The following RFNG variants were observed in gnomAD, a reference collection of about 807,000 sequenced individuals.
RFNG encodes RFNG O-fucosylpeptide 3-beta-N-acetylglucosaminyltransferase.
RFNG carries 37 observed loss-of-function variants against 29.6 expected under a neutral mutation model. That is an observed-to-expected ratio of 1.25 (90% confidence interval 0.96 to 1.65). The LOEUF (loss-of-function observed/expected upper bound fraction) is 1.65. Among genes scored for constraint, RFNG ranks in the 40% most tolerant of loss-of-function variants. The pLI is 0.00. For missense variants in RFNG, 546 were observed against 457.0 expected (o/e 1.19, Z -1.78); for synonymous variants, 276 against 197.3 (o/e 1.40, Z -3.34).
In RFNG at chr17:82,048,935, G is replaced by GTA. The variant is rs1445621657; in HGVS notation, c.914+95_914+96insTA. ...GGAGAAGCCGGGGTCAGGGCCGTGG[G>GTA]CGGAGGGAGCAGCGGGGGTCAGGGC... On this transcript the variant is annotated intron_variant, in intron 7 of 7. Coordinates refer to ENST00000310496, the MANE Select transcript of RFNG (RefSeq NM_002917.2). 2.9e-5 allele frequency: 42 copies of GTA among 1,459,042 alleles called. 1 individual carries two copies. The highest frequency in any genetic ancestry group is 3.4e-5 in the Admixed American group (2 of 58,646). The allele number at this position is 1,459,042 out of a possible 1,614,324, so 90.4% of individuals were successfully genotyped here.
In RFNG at chr17:82,051,508, G is replaced by T; in HGVS notation, c.259C>A (p.Arg87Ser). The change falls in exon 1 of 8, where the codon CGC (arginine) becomes AGC (serine). Residue 87 changes from arginine to serine, a missense_variant. By Grantham distance (110) the Arg-to-Ser change is moderately radical. Coordinates refer to ENST00000310496, the MANE Select transcript of RFNG (RefSeq NM_002917.2). The surrounding 1 kb of genome is among the most constrained non-coding windows in gnomAD (Gnocchi z 4.1). Reference sequence around the variant, plus strand: ...GTCGGGGTCCGGCGCACCTGCTGGCGGGCCCGGGAGATCCAGGTGCGCAGC... The same window carrying T: ...GTCGGGGTCCGGCGCACCTGCTGGCTGGCCCGGGAGATCCAGGTGCGCAGC... ...LLLRTWISRA[R>S]QQTFIFTDGD... 7.2e-7 allele frequency: 1 copy of T among 1,387,110 alleles called. No homozygotes were observed. Among genetic ancestry groups the T allele is most frequent in the South Asian group, 1.6e-5 (1 of 62,012 alleles). The allele number at this position is 1,387,110 out of a possible 1,614,324, so 85.9% of individuals were successfully genotyped here.
intron 3 of RFNG, 41 bp from the exon 4 acceptor site, chr17:82,050,596 GC>G: frequency 6.2e-7 from 1 of 1,608,386 alleles, no homozygotes; most frequent in Non-Finnish European, 8.5e-7. Context: ...GCCTGGCATG[GC>G]TGGACAGGAG....
At chr17:82,048,929 C>T (rs1204476804) in intron 7 of RFNG, 102 bp downstream of exon 7, 1 of 1,447,946 alleles carries the variant, frequency 6.9e-7, no homozygotes, top group Non-Finnish European at 9.6e-7. Context: ...GGGGTCAGGG[C>T]CGTGGGCGGA....
intron 7 of RFNG, 68 bp from the exon 8 acceptor site, chr17:82,048,875 G>T (rs1045925774): frequency 2.0e-6 from 3 of 1,494,734 alleles, no homozygotes; most frequent in Non-Finnish European, 2.8e-6. Context: ...GGCCGTGGGC[G>T]GCGGGAGAAC....
In RFNG at chr17:82,050,556, C is replaced by T. The variant is rs779087501; in HGVS notation, c.420-1G>A. ...GTCATCATCCACGTGGCAAAACCAC[C>T]TGTGGGCGAGGGGAGTCCTGGGCAC... On this transcript the variant is annotated splice_acceptor_variant, in intron 3 of 7. Transcript: ENST00000310496. LOFTEE classifies it high-confidence loss of function. 11 of 1,610,558 alleles carry T rather than the reference C, an allele frequency of 6.8e-6. No individual in the cohort carries two copies. Among genetic ancestry groups the T allele is most frequent in the African/African-American group, 1.3e-5 (1 of 74,906 alleles).
chr17:82,048,876 G>A (rs1403412635), intron 7 of RFNG, 69 bp from the exon 8 acceptor site: 32 of 1,497,890 alleles, frequency 2.1e-5, no homozygotes, highest in Non-Finnish European at 2.8e-5. Flanking sequence ...GCCGTGGGCG[G>A]CGGGAGAACC....
intron 6 of RFNG, chr17:82,049,365 C>A (rs957285064): frequency 1.4e-6 from 1 of 698,810 alleles, no homozygotes; most frequent in Non-Finnish European, 2.6e-6. Flanking sequence ...TCCCTCCCTG[C>A]TCCACGTGAT....
Position 82,049,992 on chromosome 17 carries a change from C to G in RFNG, c.588G>C (p.Lys196Asn), listed in dbSNP as rs147282261. ...CGGCCCCACCAGTAGCAAACCAGAA[C>G]TTGACCGTGGTCACCTGAAGATGGG... Reference protein sequence around the residue: ...VQGGRTVTTVKFWFATGGAGF... With the variant: ...VQGGRTVTTVNFWFATGGAGF... Residue 196 changes from lysine (K) to asparagine (N), a missense_variant, in exon 5 of 8, where the codon AAG (lysine) becomes AAC (asparagine). Lys to Asn is a moderately conservative substitution (Grantham distance 94). Transcript: ENST00000310496. 1.8e-5 allele frequency: 29 copies of G among 1,611,352 alleles called. No individual in the cohort carries two copies. Among genetic ancestry groups the G allele is most frequent in the Non-Finnish European group, 2.1e-5 (25 of 1,179,150 alleles).
rs767139009 is a variant in RFNG at position 82,049,686 on chromosome 17, C to T, written c.819G>A (p.Leu273=). 1.4e-6 allele frequency: 2 copies of T among 1,470,256 alleles called. No individual in the cohort carries two copies. The highest frequency in any genetic ancestry group is 1.8e-6 in the Non-Finnish European group (2 of 1,110,430). 91.1% of individuals were successfully genotyped at this position (1,470,256 alleles called of 1,614,324 possible). A position where few individuals can be genotyped will look rare whatever the true frequency, so the allele number is the denominator to read the frequency against. Residue 273 remains leucine, a synonymous_variant, in exon 6 of 8, where the codon CTG becomes CTA. Transcript: ENST00000310496. The stretch of plus-strand genomic sequence containing the variant: ...AGAGTGGCGCCTGTACCTGCTGGAG[C>T]AGGGTGTCGGGCGGCAGCCTCTGCA... The part of the protein sequence containing the change: ...ENLQRLPPDT[L]LQQVTLSHGG...
chr17:82,050,552 C>T lies in RFNG; in HGVS notation c.423G>A (p.Trp141Ter), dbSNP rs887192632. Residue 141 changes from tryptophan to a stop codon, truncating the protein, a stop_gained, in exon 4 of 8, where the codon TGG becomes TGA. Transcript: ENST00000310496. LOFTEE classifies it high-confidence loss of function. ...YDKFIESGRK[W>*]FCHVDDDNYV... ...AATTGTCATCATCCACGTGGCAAAA[C>T]CACCTGTGGGCGAGGGGAGTCCTGG... 5 of 1,610,880 alleles carry T rather than the reference C, an allele frequency of 3.1e-6. No individual in the cohort carries two copies. Among genetic ancestry groups the T allele is most frequent in the African/African-American group, 1.3e-5 (1 of 74,890 alleles).
rs552588606 is a variant in RFNG, at chr17:82,048,175, G to A, written c.*551C>T. 7.0e-5 allele frequency: 11 copies of A among 157,228 alleles called. No homozygotes were observed. The highest frequency in any genetic ancestry group is 3.8e-4 in the South Asian group (2 of 5,246). The allele number at this position is 157,228 out of a possible 1,614,324, so 9.7% of individuals were successfully genotyped here. The stretch of plus-strand genomic sequence containing the variant: ...CAGTCAAGAGGCCTCCGAATGAGGC[G>A]CCTGGACTGGGAGCAAAGCTCTGGT... On this transcript the variant is annotated 3_prime_UTR_variant, in exon 8 of 8. Transcript: ENST00000310496.
At position 82,051,706 on chromosome 17, in the gene RFNG, C is replaced by A. The variant is rs1475750646; in HGVS notation, c.61G>T (p.Ala21Ser). 2.0e-6 allele frequency: 2 copies of A among 1,023,998 alleles called. No homozygotes were observed. Among genetic ancestry groups the A allele is most frequent in the East Asian group, 9.3e-5 (1 of 10,724 alleles). 63.4% of individuals were successfully genotyped at this position (1,023,998 alleles called of 1,614,324 possible). The stretch of plus-strand genomic sequence containing the variant: ...AGCGGCAGCGGCAGTAACAGCAGCG[C>A]GGCCAGGGCCGCGGCCAGCGCGAGG... ...ACLALAAALAALLLLPLPLPR... is the reference protein window; with the variant it reads ...ACLALAAALASLLLLPLPLPR... The change falls in exon 1 of 8, where the codon GCG becomes TCG. Residue 21 changes from alanine (A) to serine (S), a missense_variant. By Grantham distance (99) the Ala-to-Ser change is moderately conservative. Transcript: ENST00000310496. This position sits in a 1 kb window ranked among gnomAD's most constrained non-coding sequence, Gnocchi z 4.1.
chr17:82,051,009 G>C lies in RFNG; in HGVS notation c.317-245C>G. The C allele has an allele frequency of 2.1e-6, 3 of 1,408,778 alleles. No individual in the cohort carries two copies. The highest frequency in any genetic ancestry group is 2.8e-6 in the Non-Finnish European group (3 of 1,086,050). 87.3% of individuals were successfully genotyped at this position (1,408,778 alleles called of 1,614,324 possible). A position where few individuals can be genotyped will look rare whatever the true frequency, so the allele number is the denominator to read the frequency against. On this transcript the variant is annotated intron_variant, in intron 2 of 7. Coordinates refer to ENST00000310496, the MANE Select transcript of RFNG (RefSeq NM_002917.2). The surrounding 1 kb of genome is among the most constrained non-coding windows in gnomAD (Gnocchi z 4.1). ...AAACAGGACGGAGGCAGCTCGCCCT[G>C]ACCTGGCCTGGAAGGGCGGATTCCC...
At chr17:82,049,487 A>G in intron 6 of RFNG, 190 bp downstream of exon 6, 1 of 747,618 alleles carries the variant, frequency 1.3e-6, no homozygotes, top group Non-Finnish European at 2.3e-6. Flanking sequence ...TGCCCCAGAC[A>G]CCATACCCCA....
chr17:82,050,815 G>C, intron 2 of RFNG, 51 bp from the exon 3 acceptor site: 1 of 1,575,770 alleles, frequency 6.3e-7, no homozygotes, highest in East Asian at 2.2e-5. Context: ...ACTGGGGTTG[G>C]GGTAAGGCCT....
At chr17:82,050,582 G>C (rs746320591) in intron 3 of RFNG, 27 bp from the exon 4 acceptor site, 8 of 1,608,786 alleles carry the variant, frequency 5.0e-6, no homozygotes, top group Admixed American at 3.3e-5. Context: ...TCCTGGGCAC[G>C]AGGGCCTGGC....
rs573505445 is a variant in RFNG, at chr17:82,049,995, G to A, written c.585C>T (p.Val195=). The A allele has an allele frequency of 6.8e-6, 11 of 1,611,098 alleles. No homozygotes were observed. Among genetic ancestry groups the A allele is most frequent in the South Asian group, 2.2e-5 (2 of 90,652 alleles). ...RVQGGRTVTT[V]KFWFATGGAG... Reference sequence around the variant, plus strand: ...CCCCACCAGTAGCAAACCAGAACTTGACCGTGGTCACCTGAAGATGGGGTG... The same window carrying A: ...CCCCACCAGTAGCAAACCAGAACTTAACCGTGGTCACCTGAAGATGGGGTG... The change falls in exon 5 of 8, where the codon GTC becomes GTT. Residue 195 remains valine (V), a synonymous_variant. Coordinates refer to ENST00000310496, the MANE Select transcript of RFNG (RefSeq NM_002917.2).
rs771352556 is a variant in RFNG, at chr17:82,049,013, A to G, written c.914+18T>C. ...CCCCTGCGGGGCCGAGGGCCTGCCCATGCCACTACCTACTCACCGTGTGGG... is the reference window on the plus strand; with the variant it reads ...CCCCTGCGGGGCCGAGGGCCTGCCCGTGCCACTACCTACTCACCGTGTGGG... On this transcript the variant is annotated intron_variant, in intron 7 of 7. Transcript: ENST00000310496. 9 of 1,609,718 alleles carry G rather than the reference A, an allele frequency of 5.6e-6. No individual in the cohort carries two copies. Among genetic ancestry groups the G allele is most frequent in the African/African-American group, 1.4e-5 (1 of 72,852 alleles).
Position 82,051,621 on chromosome 17 carries a change from C to G in RFNG, c.146G>C (p.Arg49Pro). Residue 49 changes from arginine to proline, a missense_variant, in exon 1 of 8, where the codon CGG becomes CCG. By Grantham distance (103) the Arg-to-Pro change is moderately radical. Coordinates refer to ENST00000310496, the MANE Select transcript of RFNG (RefSeq NM_002917.2). The surrounding 1 kb of genome is among the most constrained non-coding windows in gnomAD (Gnocchi z 4.1). ...PAPAPRAPPSRPAAPSLRPDD... is the reference protein window; with the variant it reads ...PAPAPRAPPSPPAAPSLRPDD... ...AGGCCGCAGGCTGGGGGCAGCGGGC[C>G]GGGACGGGGGCGCGCGCGGGGCCGG... 9.1e-7 allele frequency: 1 copy of G among 1,096,036 alleles called. No individual in the cohort carries two copies. Among genetic ancestry groups the G allele is most frequent in the Non-Finnish European group, 1.1e-6 (1 of 892,716 alleles). The allele number at this position is 1,096,036 out of a possible 1,614,324, so 67.9% of individuals were successfully genotyped here.
Sources: allele counts gnomAD v4.1 joint callset, GRCh38; gene constraint gnomAD v4.1.1; non-coding constraint Gnocchi (gnomAD v3.1); transcripts MANE v1.5; gene names NCBI Gene and HGNC (gene_info 2026-07-23, HGNC 2026-07-21).